Variants in CCDC33 observed in about 807,000 individuals in gnomAD.
CCDC33 encodes coiled-coil domain containing 33.
In CCDC33, 94 loss-of-function variants were observed where a neutral mutation model predicts 91.9. That is an observed-to-expected ratio of 1.02 (90% CI 0.87 to 1.21). The LOEUF is 1.21. Ranked by LOEUF, CCDC33 falls within the 50% of genes most tolerant of loss-of-function variation. CCDC33 has a pLI of 0.00. For missense variants in CCDC33, 940 were observed against 935.5 expected, an observed-to-expected ratio of 1.00 and a Z score of -0.06; for synonymous variants, 396 against 374.5, an observed-to-expected ratio of 1.06 and a Z score of -0.66.
chr15:74,324,089 CAAA>C (rs55758894), intron 11 of CCDC33, among the ~76,000 whole-genome samples: 2,023 of 72,058 alleles, frequency 0.028, 18 homozygotes, highest in Middle Eastern at 0.11. Context: ...GACTCCATCT[CAAA>C]AAAAAAAAAA....
intron 11 of CCDC33, chr15:74,311,372 T>A (rs2930292): frequency 0.1 from 15,765 of 151,328 alleles, 941 homozygotes; most frequent in East Asian, 0.28. Context: ...TTCGCAAAAA[T>A]AATGAGAGGG....
chr15:74,271,632 TCTGG>T, intron 5 of CCDC33, 67 bp from the exon 6 acceptor site: 1 of 1,156,660 alleles, frequency 8.6e-7, no homozygotes, highest in Admixed American at 1.7e-5. Context: ...GGGTAGGCAG[TCTGG>T]CTGGCTGTCT....
intron 12 of CCDC33, 55 bp from the exon 13 acceptor site, chr15:74,330,608 G>A (rs780417487): frequency 8.6e-5 from 121 of 1,413,240 alleles, no homozygotes; most frequent in Non-Finnish European, 1.2e-4. Context: ...TGACCATGCT[G>A]ATTTGAGCTG....
Position 74,292,813 on chromosome 15 carries a change from G to A in CCDC33, c.1096-2941G>A, listed in dbSNP as rs534065355. On this transcript the variant is annotated intron_variant, in intron 10 of 18. Transcript: ENST00000398814. ...GGAAGGGTGGCTGGAGCAGGAATGG[G>A]CAGGATAGACTTAAAGTCCATAGGT... Among the ~76,000 whole-genome samples the A allele has an allele frequency of 2.6e-5, 4 of 152,272 alleles. No homozygotes were observed. In the East Asian group the frequency reaches 5.8e-4, roughly 22 times the overall value.
At chr15:74,309,068 C>A (rs2059944409) in intron 11 of CCDC33, among the ~76,000 whole-genome samples, 1 of 152,068 alleles carries the variant, frequency 6.6e-6, no homozygotes, top group Non-Finnish European at 1.5e-5. Flanking sequence ...GGCCCTCCTG[C>A]CTACCTCAGC....
chr15:74,306,486 T>C (rs2059896336), intron 11 of CCDC33, among the ~76,000 whole-genome samples: 1 of 152,172 alleles, frequency 6.6e-6, no homozygotes, highest in African/African-American at 2.4e-5. Context: ...AAATTCCTCT[T>C]GTTCCTGCAA....
chr15:74,312,021 C>G (rs2060002224), intron 11 of CCDC33: 1 of 152,218 alleles, frequency 6.6e-6, no homozygotes, highest in African/African-American at 2.4e-5. Flanking sequence ...ACATGCCAGG[C>G]ACTGTGCTCA....
chr15:74,325,009 A>C, intron 11 of CCDC33, among the ~76,000 whole-genome samples: 1 of 101,146 alleles, frequency 9.9e-6, no homozygotes, highest in African/African-American at 3.9e-5. Flanking sequence ...TCCTCCACCC[A>C]AAGACCCTAG....
intron 13 of CCDC33, 21 bp downstream of exon 13, chr15:74,330,772 G>A (rs759542421): frequency 1.2e-6 from 2 of 1,602,406 alleles, no homozygotes; most frequent in Admixed American, 3.3e-5. Context: ...GCTTGTGGGG[G>A]CAGAGGGGAG....
chr15:74,223,458 C>G (rs937872922), intron 2 of CCDC33, among the ~76,000 whole-genome samples: 2 of 152,150 alleles, frequency 1.3e-5, no homozygotes, highest in African/African-American at 4.8e-5. Flanking sequence ...CCAGTCAGCT[C>G]CTCCTTGCAA....
chr15:74,301,929 TC>T (rs35863131), intron 11 of CCDC33: 70,431 of 151,096 alleles, frequency 0.47, 19,305 homozygotes, highest in Non-Finnish European at 0.62. Context: ...TTTCCCTCCC[TC>T]CTTCTGCCTT....
At chr15:74,207,738 CGA>C (rs2074293224) in intron 1 of CCDC33, 4 of 1,535,616 alleles carry the variant, frequency 2.6e-6, no homozygotes, top group South Asian at 1.2e-5. Flanking sequence ...AATAAGCAGC[CGA>C]GAGAGTCAAC....
At chr15:74,258,693 T>C in intron 2 of CCDC33, among the ~76,000 whole-genome samples, 1 of 152,146 alleles carries the variant, frequency 6.6e-6, no homozygotes, top group South Asian at 2.1e-4. Flanking sequence ...TGTGTGTGTG[T>C]CTCCTGGAGT....
intron 5 of CCDC33, among the ~76,000 whole-genome samples, 181 bp downstream of exon 5, chr15:74,268,639 C>G (rs961170845): frequency 4.6e-5 from 7 of 152,250 alleles, no homozygotes; most frequent in Admixed American, 2.0e-4. Flanking sequence ...GAAGACAAGC[C>G]CTTTGGCAGG....
At chr15:74,277,115 A>T (rs1236175967) in intron 7 of CCDC33, among the ~76,000 whole-genome samples, 1 of 152,206 alleles carries the variant, frequency 6.6e-6, no homozygotes, top group Non-Finnish European at 1.5e-5. Context: ...CTTACATCTT[A>T]ATAGCAAAAC....
intron 15 of CCDC33, among the ~76,000 whole-genome samples, chr15:74,331,927 G>A (rs749342364): frequency 2.6e-5 from 4 of 152,166 alleles, no homozygotes; most frequent in Non-Finnish European, 5.9e-5. Context: ...CTACTTGGGA[G>A]GCTGAGGCAG....
At chr15:74,234,253 T>G (rs1015149356), upstream of CCDC33, among the ~76,000 whole-genome samples, 2 of 152,148 alleles carry the variant, frequency 1.3e-5, no homozygotes, top group Non-Finnish European at 2.9e-5. Flanking sequence ...TGCTGTCTCC[T>G]GTGGGTAGGG....
intron 3 of CCDC33, among the ~76,000 whole-genome samples, chr15:74,265,602 G>A (rs2076145768): frequency 6.6e-6 from 1 of 152,208 alleles, no homozygotes; most frequent in Admixed American, 6.5e-5. Flanking sequence ...GGGGGTTGTG[G>A]TGAGAATTTG....
At chr15:74,324,528 C>T (rs1596124026) in intron 11 of CCDC33, among the ~76,000 whole-genome samples, 1 of 152,032 alleles carries the variant, frequency 6.6e-6, no homozygotes, top group South Asian at 2.1e-4. Flanking sequence ...AGCCTGCTCT[C>T]GCCGCTTTTC....
Sources: allele counts gnomAD v4.1 joint callset (sites outside exome capture counted in the v4.1 genomes callset), GRCh38; gene constraint gnomAD v4.1.1; transcripts MANE v1.5; gene names NCBI Gene and HGNC (gene_info 2026-07-23, HGNC 2026-07-21).